Variants in MREG observed in about 807,000 individuals in gnomAD.
MREG encodes melanoregulin, also known as dilute suppressor protein homolog.
Under a neutral mutation model 28.5 loss-of-function variants are expected in MREG, and 31 were observed. That is an observed-to-expected ratio of 1.09 (90% CI 0.82 to 1.47). The LOEUF (loss-of-function observed/expected upper bound fraction) is 1.47, where lower values mean the gene tolerates loss of function less well. Ranked by LOEUF, MREG falls within the 40% of genes most tolerant of loss-of-function variation. The probability of loss-of-function intolerance (pLI) is 0.00; values close to 1 mark genes in which losing one functional copy is unlikely to be tolerated. For synonymous variants in MREG, 106 were observed against 95.2 expected (o/e 1.11, Z -0.66); for missense variants, 256 against 257.4 (o/e 0.99, Z 0.04).
intron 2 of MREG, among the ~76,000 whole-genome samples, chr2:215,965,510 A>G (rs1177253341): frequency 1.3e-5 from 2 of 152,198 alleles, no homozygotes; most frequent in Admixed American, 1.3e-4. Flanking sequence ...GAAATTAGAA[A>G]GTTAAAATGT....
At chr2:216,006,242 G>A (rs1694151473) in intron 1 of MREG, among the ~76,000 whole-genome samples, 1 of 152,212 alleles carries the variant, frequency 6.6e-6, no homozygotes, top group African/African-American at 2.4e-5. Flanking sequence ...GGACGCTGTG[G>A]CTTGCCGGGG....
chr2:215,965,654 C>T (rs139192036), intron 2 of MREG, among the ~76,000 whole-genome samples: 1 of 152,186 alleles, frequency 6.6e-6, no homozygotes, highest in Non-Finnish European at 1.5e-5. Context: ...CCCTACCTTA[C>T]ATTTGCTCTT....
At chr2:216,029,458 A>G (rs1260819224) in intron 1 of MREG, among the ~76,000 whole-genome samples, 1 of 103,906 alleles carries the variant, frequency 9.6e-6, no homozygotes, top group African/African-American at 3.4e-5. Context: ...GCCTGGCGAG[A>G]GAGTGAGACT....
chr2:215,989,727 G>C (rs2106009542), intron 2 of MREG, among the ~76,000 whole-genome samples: 1 of 151,990 alleles, frequency 6.6e-6, no homozygotes, highest in Middle Eastern at 3.4e-3. Flanking sequence ...GAAAAATACA[G>C]CAGGAGAACT....
downstream of MREG, among the ~76,000 whole-genome samples, chr2:215,940,450 T>C (rs1692184728): frequency 1.3e-5 from 2 of 152,228 alleles, no homozygotes; most frequent in Non-Finnish European, 2.9e-5. Context: ...TCTCTGGGCA[T>C]TGGAAAATAG....
At chr2:215,988,266 G>A (rs779069121) in intron 2 of MREG, among the ~76,000 whole-genome samples, 17 of 152,180 alleles carry the variant, frequency 1.1e-4, no homozygotes, top group Admixed American at 6.5e-4. Flanking sequence ...AGGGTGGGGC[G>A]TTGCCTCACA....
chr2:215,994,425 T>C (rs1320789620), intron 2 of MREG, among the ~76,000 whole-genome samples: 2 of 151,112 alleles, frequency 1.3e-5, no homozygotes, highest in African/African-American at 2.5e-5. Context: ...GGTGGGGGCC[T>C]AGGGGAGGGA....
rs145853865 is a variant in MREG at position 215,944,879 on chromosome 2, G to A, written c.629C>T (p.Pro210Leu). The A allele has an allele frequency of 7.1e-5, 113 of 1,594,716 alleles. 1 individual carries two copies. The South Asian group carries it at 1.1e-3, about 15-fold the overall frequency. The change falls in exon 5 of 5, where the codon CCG becomes CTG. Residue 210 changes from proline to leucine, a missense_variant. By Grantham distance (98) the Pro-to-Leu change is moderately conservative. Coordinates refer to ENST00000263268, the MANE Select transcript of MREG (RefSeq NM_018000.3). ...ADGQKELHYL[P>L]FPSP ...GCCTCTCCTTTAGGGACTTGGAAACGGAAGGTAGTGCAGTTCTTTCTGGCC... is the reference window on the plus strand; with the variant it reads ...GCCTCTCCTTTAGGGACTTGGAAACAGAAGGTAGTGCAGTTCTTTCTGGCC...
chr2:215,960,900 G>T (rs72946755), intron 2 of MREG, among the ~76,000 whole-genome samples: 4,205 of 152,168 alleles, frequency 0.028, 92 homozygotes, highest in African/African-American at 0.048. Context: ...TGTCAAGGAG[G>T]GCACCCTCTT....
intron 2 of MREG, among the ~76,000 whole-genome samples, chr2:215,954,710 T>A (rs1433148032): frequency 2.0e-5 from 3 of 152,146 alleles, no homozygotes; most frequent in South Asian, 2.1e-4. Flanking sequence ...TATTTTATTT[T>A]TTTTTTTTTA....
At chr2:215,962,681 G>T (rs1431703931) in intron 2 of MREG, among the ~76,000 whole-genome samples, 1 of 151,880 alleles carries the variant, frequency 6.6e-6, no homozygotes, top group African/African-American at 2.4e-5. Context: ...TGAATCCAGA[G>T]TAGAGAAAAC....
At chr2:215,971,533 C>T (rs1486123839) in intron 2 of MREG, among the ~76,000 whole-genome samples, 7 of 152,164 alleles carry the variant, frequency 4.6e-5, no homozygotes, top group Admixed American at 4.6e-4. Context: ...TTTTTGGACA[C>T]CTAGCAATCA....
intron 2 of MREG, among the ~76,000 whole-genome samples, chr2:215,967,926 C>G (rs1692989669): frequency 6.6e-6 from 1 of 152,130 alleles, no homozygotes; most frequent in Admixed American, 6.5e-5. Flanking sequence ...CACTTCAGGC[C>G]CAGTGCATGC....
At chr2:215,972,617 GAAAA>G (rs34332971) in intron 2 of MREG, among the ~76,000 whole-genome samples, 2 of 103,666 alleles carry the variant, frequency 1.9e-5, no homozygotes, top group Admixed American at 1.0e-4. Context: ...CTCTCTCCCA[GAAAA>G]AAAAAAAAAA....
intron 2 of MREG, among the ~76,000 whole-genome samples, chr2:215,957,856 C>T (rs993583999): frequency 6.6e-6 from 1 of 152,084 alleles, no homozygotes; most frequent in African/African-American, 2.4e-5. Context: ...GGAACCAACC[C>T]AAATGTCCAA....
At position 215,944,765 on chromosome 2, in the gene MREG, ACT is replaced by A; in HGVS notation, c.*96_*97del. On this transcript the variant is annotated 3_prime_UTR_variant, in exon 5 of 5. Coordinates refer to ENST00000263268, the MANE Select transcript of MREG (RefSeq NM_018000.3). ...TTCAGTATCATTTTTCACTAAGCAA[ACT>A]CTATTTGCTCACTCTCTTCTACATG... The A allele has an allele frequency of 8.1e-7, 1 of 1,234,900 alleles. No individual in the cohort carries two copies. The highest frequency in any genetic ancestry group is 1.1e-6 in the Non-Finnish European group (1 of 908,328). 76.5% of individuals were successfully genotyped at this position (1,234,900 alleles called of 1,614,324 possible).
chr2:215,947,755 T>C (rs1321830006), intron 2 of MREG, among the ~76,000 whole-genome samples: 12 of 152,228 alleles, frequency 7.9e-5, no homozygotes, highest in Non-Finnish European at 1.3e-4. Flanking sequence ...GCAACATTCT[T>C]TTTTATTCAT....
At position 216,027,390 on chromosome 2, in the gene MREG, T is replaced by C. The variant is rs116538749; in HGVS notation, c.-68+5399A>G. Among the ~76,000 whole-genome samples the C allele has an allele frequency of 7.8e-3, 1,191 of 152,238 alleles. 19 individuals carry two copies. Among genetic ancestry groups the C allele is most frequent in the African/African-American group, 0.027 (1,138 of 41,550 alleles). ...AAATTTAACTTTGAAGTAAGAATAA[T>C]AGTCTAAAAGCCACAAGGTACCCAG... On this transcript the variant is annotated intron_variant, in intron 1 of 3. Coordinates refer to the MREG transcript ENST00000420348.
intron 2 of MREG, among the ~76,000 whole-genome samples, chr2:215,959,743 G>A (rs1372907103): frequency 7.2e-5 from 11 of 152,062 alleles, no homozygotes; most frequent in African/African-American, 1.5e-4. Flanking sequence ...TCTATCCTCC[G>A]GCACACCTTG....
Sources: allele counts gnomAD v4.1 joint callset (sites outside exome capture counted in the v4.1 genomes callset), GRCh38; gene constraint gnomAD v4.1.1; transcripts MANE v1.5; gene names NCBI Gene and HGNC (gene_info 2026-07-23, HGNC 2026-07-21).